Variants in EVI5 observed in about 807,000 individuals in gnomAD.
EVI5 encodes the protein ecotropic viral integration site 5, also known as ecotropic viral integration site 5 protein homolog.
A neutral mutation model predicts 112.0 loss-of-function variants in EVI5; 73 were observed. The ratio of observed to expected loss-of-function variants is 0.65; its 90% CI spans 0.54 to 0.79. The LOEUF is 0.79. EVI5 is among the 30% of genes least tolerant of loss of function. EVI5 has a pLI of 0.00. For synonymous variants in EVI5, 305 were observed against 319.9 expected, an observed-to-expected ratio of 0.95 and a Z score of 0.50; for missense variants, 900 against 968.8, an observed-to-expected ratio of 0.93 and a Z score of 0.94.
chr1:92,710,998 G>A (rs1355240383), intron 2 of EVI5, among the ~76,000 whole-genome samples: 2 of 152,092 alleles, frequency 1.3e-5, no homozygotes, highest in African/African-American at 2.4e-5. Flanking sequence ...ACTTCTTATC[G>A]AGATGCCACC....
At chr1:92,711,646 C>T (rs962163584) in intron 2 of EVI5, among the ~76,000 whole-genome samples, 3 of 151,966 alleles carry the variant, frequency 2.0e-5, no homozygotes, top group African/African-American at 7.2e-5. Context: ...CAGAGCAAGA[C>T]CCTGTTTCAA....
chr1:92,752,718 G>C (rs896791907), intron 1 of EVI5, among the ~76,000 whole-genome samples: 1 of 151,876 alleles, frequency 6.6e-6, no homozygotes, highest in African/African-American at 2.4e-5. Flanking sequence ...TTTTCTTTCT[G>C]AAACTCCTGT....
rs370445946 is a variant in EVI5 at position 92,715,781 on chromosome 1, T to A, written c.150-11037A>T. ...CAAATATTGTGCTTTTCCAACAGTC[T>A]TAGCAAATGGTACACCAGGAGATTA... On this transcript the variant is annotated intron_variant, in intron 2 of 19. Coordinates refer to ENST00000684568, the MANE Select transcript of EVI5 (RefSeq NM_001350197.2). 7.2e-5 allele frequency among the ~76,000 whole-genome samples: 11 copies of A among 152,232 alleles called. No individual in the cohort carries two copies. In the East Asian group the frequency reaches 1.4e-3, roughly 19 times the overall value.
chr1:92,775,760 A>G lies in EVI5; in HGVS notation c.-82+9076T>C, dbSNP rs183471920. Among the ~76,000 whole-genome samples, 4 of 152,326 alleles carry G rather than the reference A, an allele frequency of 2.6e-5. No individual in the cohort carries two copies. The East Asian group carries it at 7.7e-4, about 29-fold the overall frequency. On this transcript the variant is annotated intron_variant, in intron 1 of 19. Coordinates refer to ENST00000684568, the MANE Select transcript of EVI5 (RefSeq NM_001350197.2). ...AACTTGTGGTAGAAAGAAAAGGCCAATGGGGATTTTGTGCAGTTGAGAAGC... is the reference window on the plus strand; with the variant it reads ...AACTTGTGGTAGAAAGAAAAGGCCAGTGGGGATTTTGTGCAGTTGAGAAGC...
chr1:92,558,931 G>A (rs572738061), intron 19 of EVI5, among the ~76,000 whole-genome samples: 7 of 151,590 alleles, frequency 4.6e-5, no homozygotes, highest in Non-Finnish European at 1.0e-4. Flanking sequence ...AACATCCAAA[G>A]GCTTTCCACT....
intron 1 of EVI5, among the ~76,000 whole-genome samples, chr1:92,777,388 C>A (rs977391613): frequency 9.9e-5 from 15 of 152,176 alleles, no homozygotes; most frequent in African/African-American, 2.9e-4. Flanking sequence ...CTCCTCCTAC[C>A]ACAAGTTTCT....
At chr1:92,636,118 C>T in intron 14 of EVI5, 84 bp downstream of exon 14, 1 of 1,098,504 alleles carries the variant, frequency 9.1e-7, no homozygotes, top group Middle Eastern at 2.1e-4. Context: ...AACACCAAGT[C>T]AATTAAATTG....
chr1:92,658,438 AATCAAGCT>A (rs1663398842), intron 13 of EVI5, among the ~76,000 whole-genome samples: 1 of 152,206 alleles, frequency 6.6e-6, no homozygotes, highest in African/African-American at 2.4e-5. Flanking sequence ...CACCAATAAC[AATCAAGCT>A]GAGATCCAAA....
chr1:92,690,966 C>A (rs1336662703), intron 9 of EVI5, among the ~76,000 whole-genome samples: 1 of 152,008 alleles, frequency 6.6e-6, no homozygotes, highest in Non-Finnish European at 1.5e-5. Flanking sequence ...ATAGAAAACA[C>A]AAGAGATACA....
chr1:92,694,259 T>C, intron 8 of EVI5, 40 bp downstream of exon 8: 1 of 1,228,584 alleles, frequency 8.1e-7, no homozygotes, highest in Middle Eastern at 2.0e-4. Context: ...AACTAAACTC[T>C]GTCTCAAAAA....
intron 1 of EVI5, among the ~76,000 whole-genome samples, chr1:92,748,640 G>T (rs1679687452): frequency 6.6e-6 from 1 of 152,142 alleles, no homozygotes; most frequent in South Asian, 2.1e-4. Context: ...TAAAAGTATA[G>T]AGTATCAGTA....
intron 2 of EVI5, among the ~76,000 whole-genome samples, chr1:92,721,418 A>G (rs578063076): frequency 2.0e-5 from 3 of 152,224 alleles, no homozygotes; most frequent in African/African-American, 7.2e-5. Context: ...TGAGCAAACT[A>G]TCATAAGGAC....
chr1:92,509,340 C>T lies in EVI5; in HGVS notation c.*4316G>A, dbSNP rs1659045558. ...GAATTGAGAAAAAGTTTTTCTCCTT[C>T]CCAAATAACTGGCTGATTAGTAGAA... On this transcript the variant is annotated 3_prime_UTR_variant, in exon 20 of 20. Coordinates refer to ENST00000684568, the MANE Select transcript of EVI5 (RefSeq NM_001350197.2). 1 of 152,566 alleles carries T rather than the reference C, an allele frequency of 6.6e-6. No individual in the cohort carries two copies. Among genetic ancestry groups the T allele is most frequent in the Non-Finnish European group, 1.5e-5 (1 of 68,038 alleles). The allele number at this position is 152,566 out of a possible 1,614,324, so 9.5% of individuals were successfully genotyped here.
intron 10 of EVI5, among the ~76,000 whole-genome samples, chr1:92,666,839 T>C (rs1029256015): frequency 5.9e-5 from 9 of 152,172 alleles, no homozygotes; most frequent in African/African-American, 2.2e-4. Flanking sequence ...TGACTCATAA[T>C]CAAATATTTT....
At chr1:92,578,156 C>T (rs1475306321) in intron 18 of EVI5, among the ~76,000 whole-genome samples, 1 of 152,162 alleles carries the variant, frequency 6.6e-6, no homozygotes, top group Non-Finnish European at 1.5e-5. Flanking sequence ...CATGTGAACG[C>T]TATTTCATCT....
chr1:92,753,567 T>C (rs1680507626), intron 1 of EVI5, among the ~76,000 whole-genome samples: 2 of 152,134 alleles, frequency 1.3e-5, no homozygotes, highest in South Asian at 4.1e-4. Flanking sequence ...TTCTTTAATA[T>C]TAAGTCTGAA....
At chr1:92,552,133 A>C (rs1477838803) in intron 19 of EVI5, among the ~76,000 whole-genome samples, 1 of 151,674 alleles carries the variant, frequency 6.6e-6, no homozygotes, top group Admixed American at 6.6e-5. Context: ...AAAAAAAAAA[A>C]AAAAAAAAAA....
intron 2 of EVI5, among the ~76,000 whole-genome samples, chr1:92,729,475 A>T (rs1391686201): frequency 1.3e-5 from 2 of 152,202 alleles, no homozygotes; most frequent in African/African-American, 4.8e-5. Context: ...AAGGTCAAGG[A>T]CTTTTGAAGA....
intron 18 of EVI5, among the ~76,000 whole-genome samples, chr1:92,581,775 A>G (rs1453483082): frequency 3.8e-5 from 1 of 26,090 alleles, no homozygotes; most frequent in Non-Finnish European, 6.8e-5. Flanking sequence ...TTGGTGCAAC[A>G]TTTATTTAAA....
Sources: allele counts gnomAD v4.1 joint callset (sites outside exome capture counted in the v4.1 genomes callset), GRCh38; gene constraint gnomAD v4.1.1; transcripts MANE v1.5; gene names NCBI Gene and HGNC (gene_info 2026-07-23, HGNC 2026-07-21).